Variants in GMDS observed in about 807,000 individuals in gnomAD.
GMDS encodes GDP-mannose 4,6 dehydratase.
A neutral mutation model predicts 49.9 loss-of-function variants in GMDS; 20 were observed. That is an observed-to-expected ratio of 0.40 (90% CI 0.28 to 0.58). The LOEUF (loss-of-function observed/expected upper bound fraction) is 0.58. GMDS is among the 20% of genes least tolerant of loss of function. The pLI, the probability that GMDS is intolerant of heterozygous loss-of-function variation, is 0.42. For synonymous variants in GMDS, 177 were observed against 178.6 expected (o/e 0.99, Z 0.07); for missense variants, 362 against 481.4 (o/e 0.75, Z 2.32).
chr6:2,121,936 G>A (rs547962226), intron 2 of GMDS, among the ~76,000 whole-genome samples: 5 of 152,182 alleles, frequency 3.3e-5, no homozygotes, highest in African/African-American at 1.2e-4. Flanking sequence ...CCTTACCACT[G>A]CTAACCAACC....
At chr6:1,913,712 A>G (rs1761201927) in intron 7 of GMDS, among the ~76,000 whole-genome samples, 2 of 152,208 alleles carry the variant, frequency 1.3e-5, no homozygotes, top group Non-Finnish European at 1.5e-5. Context: ...AAACAGCACC[A>G]CTCAGAAAAC....
At chr6:1,645,360 C>T (rs1254148602) in intron 9 of GMDS, among the ~76,000 whole-genome samples, 1 of 152,230 alleles carries the variant, frequency 6.6e-6, no homozygotes, top group African/African-American at 2.4e-5. Context: ...TAGCTTCCTG[C>T]ACCCATCAGC....
intron 1 of GMDS, among the ~76,000 whole-genome samples, chr6:2,204,055 G>T (rs1280148445): frequency 2.0e-5 from 3 of 152,280 alleles, no homozygotes; most frequent in East Asian, 3.9e-4. Context: ...ACTTATTTCA[G>T]GAAACTACAA....
At chr6:2,189,801 T>C (rs754219717) in intron 1 of GMDS, among the ~76,000 whole-genome samples, 3 of 152,234 alleles carry the variant, frequency 2.0e-5, no homozygotes, top group Non-Finnish European at 2.9e-5. Context: ...ACTACATAAC[T>C]GATGGTCTAG....
chr6:1,978,076 C>T (rs923215939), intron 4 of GMDS, among the ~76,000 whole-genome samples: 1 of 152,138 alleles, frequency 6.6e-6, no homozygotes, highest in Non-Finnish European at 1.5e-5. Flanking sequence ...CTGCCTGAGA[C>T]CAGACGGAGC....
intron 9 of GMDS, among the ~76,000 whole-genome samples, chr6:1,630,940 G>T (rs1180431354): frequency 6.6e-6 from 1 of 152,180 alleles, no homozygotes; most frequent in Non-Finnish European, 1.5e-5. Flanking sequence ...AGATAAGGTT[G>T]TCAGTGACCT....
At chr6:2,213,475 C>G (rs1780164786) in intron 1 of GMDS, among the ~76,000 whole-genome samples, 1 of 152,094 alleles carries the variant, frequency 6.6e-6, no homozygotes, top group Non-Finnish European at 1.5e-5. Context: ...TTGATGTAAA[C>G]TCACTTTGAA....
intron 1 of GMDS, among the ~76,000 whole-genome samples, chr6:2,181,027 C>T (rs1778496868): frequency 6.6e-6 from 1 of 151,774 alleles, no homozygotes; most frequent in African/African-American, 2.4e-5. Flanking sequence ...ATTAGCCAGA[C>T]GTAGTGACTA....
intron 9 of GMDS, among the ~76,000 whole-genome samples, chr6:1,699,990 A>G (rs574000568): frequency 6.6e-6 from 1 of 152,332 alleles, no homozygotes; most frequent in East Asian, 1.9e-4. Context: ...TGAGGAGAAC[A>G]GCAGCTCACA....
Position 1,695,907 on chromosome 6 carries a change from GTTTTT to G in GMDS, c.987+30504_987+30508del, listed in dbSNP as rs11366742. 4.0e-5 allele frequency among the ~76,000 whole-genome samples: 5 copies of G among 124,412 alleles called. No individual in the cohort carries two copies. The South Asian group carries it at 7.6e-4, about 19-fold the overall frequency. The allele number at this position is 124,412 out of a possible 152,430, so 81.6% of individuals were successfully genotyped here. On this transcript the variant is annotated intron_variant, in intron 9 of 10. Coordinates refer to ENST00000380815, the MANE Select transcript of GMDS (RefSeq NM_001500.4). ...AATCACAACATTCTTTTCTGTCTTG[GTTTTT>G]TTTTTTTTTTCTTTTTTTTTTTTTT...
rs1386892491 is a variant in GMDS at position 2,201,187 on chromosome 6, T to C, written c.102+44134A>G. Reference sequence around the variant, plus strand: ...TGAGGGCAGCATGTTAGCAGAGAGGTGAGGGATGAAGAGAGAGCACCACAT... The same window carrying C: ...TGAGGGCAGCATGTTAGCAGAGAGGCGAGGGATGAAGAGAGAGCACCACAT... On this transcript the variant is annotated intron_variant, in intron 1 of 10. Transcript: ENST00000380815. Among the ~76,000 whole-genome samples, 3 of 96,434 alleles carry C rather than the reference T, an allele frequency of 3.1e-5. 1 individual carries two copies. In the East Asian group the frequency reaches 9.9e-4, roughly 32 times the overall value. The allele number at this position is 96,434 out of a possible 152,430, so 63.3% of individuals were successfully genotyped here.
chr6:1,889,973 A>G (rs957590939), intron 7 of GMDS, among the ~76,000 whole-genome samples: 1 of 152,172 alleles, frequency 6.6e-6, no homozygotes, highest in African/African-American at 2.4e-5. Context: ...ATGACGTATT[A>G]TGGATGAATT....
At chr6:1,660,052 A>G (rs1465617993) in intron 9 of GMDS, among the ~76,000 whole-genome samples, 1 of 152,044 alleles carries the variant, frequency 6.6e-6, no homozygotes, top group African/African-American at 2.4e-5. Context: ...GTGGCTCCCC[A>G]GCCGCGGACC....
chr6:1,907,001 G>A (rs1359280808), intron 7 of GMDS, among the ~76,000 whole-genome samples: 2 of 152,130 alleles, frequency 1.3e-5, no homozygotes, highest in Non-Finnish European at 2.9e-5. Flanking sequence ...GACCATGGAG[G>A]GTGAGAACTC....
At chr6:2,146,660 T>C (rs1354882060) in intron 1 of GMDS, among the ~76,000 whole-genome samples, 1 of 152,212 alleles carries the variant, frequency 6.6e-6, no homozygotes, top group East Asian at 1.9e-4. Context: ...TCTTGCACAC[T>C]CAAACAAGCT....
At chr6:1,710,470 G>A (rs952478247) in intron 9 of GMDS, among the ~76,000 whole-genome samples, 1 of 152,224 alleles carries the variant, frequency 6.6e-6, no homozygotes, top group Admixed American at 6.5e-5. Context: ...TAACCAGGCT[G>A]TGGTCAGACC....
Position 1,747,468 on chromosome 6 carries a change from ACACACGCTCATGCGTGTGCGCG to A in GMDS, c.772-4904_772-4883del, listed in dbSNP as rs1004283541. On this transcript the variant is annotated intron_variant, in intron 7 of 10. Transcript: ENST00000380815. ...ACAAAAACCTTAAAACTACACACAC[ACACACGCTCATGCGTGTGCGCG>A]CACACACACACACACACACTTATGT... Among the ~76,000 whole-genome samples, 143 of 8,182 alleles carry A rather than the reference ACACACGCTCATGCGTGTGCGCG, an allele frequency of 0.017. 1 individual carries two copies. In the South Asian group the frequency reaches 0.34, roughly 20 times the overall value. The allele number at this position is 8,182 out of a possible 152,430, so 5.4% of individuals were successfully genotyped here. A position where few individuals can be genotyped will look rare whatever the true frequency, so the allele number is the denominator to read the frequency against.
At position 1,635,497 on chromosome 6, in the gene GMDS, TA is replaced by T. The variant is rs1763118997; in HGVS notation, c.988-10958del. ...CGGCCACCAAACATCTAGAAAATCA[TA>T]ACATCCTTTCAGGAAAATGCAGTGG... On this transcript the variant is annotated intron_variant, in intron 9 of 10. Coordinates refer to ENST00000380815, the MANE Select transcript of GMDS (RefSeq NM_001500.4). The surrounding 1 kb of genome is among the most constrained non-coding windows in gnomAD (Gnocchi z 4.7). Among the ~76,000 whole-genome samples the T allele has an allele frequency of 6.6e-6, 1 of 152,176 alleles. No homozygotes were observed. The highest frequency in any genetic ancestry group is 6.5e-5 in the Admixed American group (1 of 15,284).
chr6:2,126,389 T>C (rs1048587956), intron 1 of GMDS, among the ~76,000 whole-genome samples: 6 of 152,046 alleles, frequency 3.9e-5, no homozygotes, highest in African/African-American at 1.4e-4. Context: ...AGGCTTTAAA[T>C]ATCCCTTAGA....
Sources: gnomAD v4.1 joint callset for allele counts (sites outside exome capture counted in the v4.1 genomes callset) on GRCh38, gnomAD v4.1.1 for gene constraint, Gnocchi (gnomAD v3.1) non-coding constraint, MANE v1.5 for transcripts, NCBI Gene and HGNC (gene_info 2026-07-23, HGNC 2026-07-21) for gene names.